RAP1GDS1: variants seen among roughly 807,000 people sequenced by gnomAD.
RAP1GDS1 encodes RAP1, GTP-GDP dissociation stimulator 1.
A neutral mutation model predicts 71.1 loss-of-function variants in RAP1GDS1; 35 were observed. That is an observed-to-expected ratio of 0.49 (90% CI 0.38 to 0.65). RAP1GDS1 has a LOEUF of 0.65. Among genes scored for constraint, RAP1GDS1 ranks in the 30% least tolerant of loss-of-function variants. The probability of loss-of-function intolerance (pLI) is 0.00; values close to 1 mark genes in which losing one functional copy is unlikely to be tolerated. For missense variants in RAP1GDS1, 663 were observed against 706.1 expected (o/e 0.94, Z 0.69); for synonymous variants, 229 against 243.1 (o/e 0.94, Z 0.54).
intron 1 of RAP1GDS1, among the ~76,000 whole-genome samples, chr4:98,285,032 G>A (rs949395616): frequency 1.3e-5 from 2 of 152,230 alleles, no homozygotes; most frequent in African/African-American, 4.8e-5. Context: ...TGTGCCCTTT[G>A]TGATTCCCGA....
intron 12 of RAP1GDS1, among the ~76,000 whole-genome samples, chr4:98,429,699 A>T (rs950186523): frequency 2.0e-5 from 3 of 152,170 alleles, no homozygotes; most frequent in Non-Finnish European, 4.4e-5. Flanking sequence ...GAAAGCTACG[A>T]ATTTGTGTTG....
At chr4:98,310,448 CA>C (rs1730040265) in intron 2 of RAP1GDS1, among the ~76,000 whole-genome samples, 1 of 151,924 alleles carries the variant, frequency 6.6e-6, no homozygotes, top group Non-Finnish European at 1.5e-5. Context: ...AATGTCAAAT[CA>C]AAAGGGAATA....
intron 4 of RAP1GDS1, among the ~76,000 whole-genome samples, chr4:98,371,558 C>G (rs1405837194): frequency 1.3e-5 from 2 of 151,960 alleles, no homozygotes; most frequent in African/African-American, 4.8e-5. Context: ...CTCACTGCAA[C>G]CTCTACCTCC....
At chr4:98,290,688 G>A (rs1726793367) in intron 1 of RAP1GDS1, among the ~76,000 whole-genome samples, 1 of 152,126 alleles carries the variant, frequency 6.6e-6, no homozygotes, top group East Asian at 1.9e-4. Context: ...CTTTAACAGA[G>A]ACTTTTGAGA....
intron 12 of RAP1GDS1, among the ~76,000 whole-genome samples, chr4:98,424,620 G>A (rs777979113): frequency 1.3e-5 from 2 of 152,072 alleles, no homozygotes; most frequent in Non-Finnish European, 2.9e-5. Context: ...AATTAGCCAG[G>A]CATGGTGGCG....
In RAP1GDS1 at chr4:98,392,038, A is replaced by G; in HGVS notation, c.595A>G (p.Thr199Ala). The change falls in exon 6 of 15, where the codon ACA (threonine) becomes GCA (alanine). Residue 199 changes from threonine to alanine, a missense_variant. Transcript: ENST00000408927. ...CATCCACTGCCAAAATGCAGCTCTT[A>G]CAGAAATGTGTCTTGTTGCATTTGG... ...LGIHCQNAAL[T>A]EMCLVAFGNL... The G allele has an allele frequency of 6.2e-7, 1 of 1,612,996 alleles. No individual in the cohort carries two copies.
At chr4:98,436,041 A>G (rs886949285) in intron 13 of RAP1GDS1, among the ~76,000 whole-genome samples, 1 of 151,278 alleles carries the variant, frequency 6.6e-6, no homozygotes, top group Non-Finnish European at 1.5e-5. Flanking sequence ...ACTGCACTCC[A>G]GCCTGGGCGA....
chr4:98,398,568 T>C (rs573962851), intron 6 of RAP1GDS1, among the ~76,000 whole-genome samples: 21 of 152,238 alleles, frequency 1.4e-4, no homozygotes, highest in African/African-American at 5.1e-4. Context: ...CAATGTTGCC[T>C]TCAAAATTTT....
intron 7 of RAP1GDS1, among the ~76,000 whole-genome samples, chr4:98,412,594 C>T (rs572099090): frequency 1.3e-5 from 2 of 152,286 alleles, no homozygotes; most frequent in African/African-American, 4.8e-5. Flanking sequence ...CAACTACACT[C>T]AAAGCATTTA....
At chr4:98,264,616 A>G (rs961653935) in intron 1 of RAP1GDS1, among the ~76,000 whole-genome samples, 1 of 152,222 alleles carries the variant, frequency 6.6e-6, no homozygotes, top group Non-Finnish European at 1.5e-5. Flanking sequence ...TTTCACATTT[A>G]TAATCTTAGC....
At position 98,404,122 on chromosome 4, in the gene RAP1GDS1, A is replaced by G. The variant is rs558385137; in HGVS notation, c.638-355A>G. On this transcript the variant is annotated intron_variant, in intron 6 of 14. Coordinates refer to ENST00000408927, the MANE Select transcript of RAP1GDS1 (RefSeq NM_001100427.2). ...TCAGGACCAGTGTAGAAAACATTCC[A>G]CTTTAATGATACTAAAGATAAGTCA... Among the ~76,000 whole-genome samples, 176 of 152,308 alleles carry G rather than the reference A, an allele frequency of 1.2e-3. 1 individual carries two copies. In the South Asian group the frequency reaches 0.018, roughly 16 times the overall value.
chr4:98,307,559 T>A (rs959699531), intron 2 of RAP1GDS1, among the ~76,000 whole-genome samples: 1 of 152,142 alleles, frequency 6.6e-6, no homozygotes, highest in African/African-American at 2.4e-5. Flanking sequence ...CTCAGTAAGA[T>A]TAGGTAGTTT....
rs531957642 is a variant in RAP1GDS1, at chr4:98,377,447, C to G, written c.362-1570C>G. Among the ~76,000 whole-genome samples the G allele has an allele frequency of 2.6e-5, 4 of 151,932 alleles. No homozygotes were observed. In the South Asian group the frequency reaches 8.3e-4, roughly 31 times the overall value. ...CTTGGCTGGTTCATCTAGCTAGTTA[C>G]TCTGGCAGTATAAGAATTTTCTGTG... On this transcript the variant is annotated intron_variant, in intron 4 of 14. Transcript: ENST00000408927.
chr4:98,373,313 T>C (rs1008546649), intron 4 of RAP1GDS1, among the ~76,000 whole-genome samples: 3 of 152,136 alleles, frequency 2.0e-5, no homozygotes, highest in African/African-American at 4.8e-5. Context: ...GTCTGCTTTA[T>C]TTCTTATTTT....
chr4:98,426,424 A>G (rs984923941), intron 12 of RAP1GDS1, among the ~76,000 whole-genome samples: 2 of 152,186 alleles, frequency 1.3e-5, no homozygotes, highest in African/African-American at 4.8e-5. Flanking sequence ...CAAAAGATAA[A>G]TGAAACAAAA....
At chr4:98,319,596 C>T (rs1296664949) in intron 2 of RAP1GDS1, among the ~76,000 whole-genome samples, 1 of 151,806 alleles carries the variant, frequency 6.6e-6, no homozygotes, top group Admixed American at 6.6e-5. Context: ...GACTGGCCAA[C>T]GTGGTGAAAC....
At chr4:98,428,064 G>A (rs1193365995) in intron 12 of RAP1GDS1, among the ~76,000 whole-genome samples, 2 of 152,026 alleles carry the variant, frequency 1.3e-5, no homozygotes, top group Non-Finnish European at 2.9e-5. Flanking sequence ...AATACTTACA[G>A]CCAACTGATC....
Position 98,281,450 on chromosome 4 carries a change from A to C in RAP1GDS1, c.5-11958A>C, listed in dbSNP as rs563442561. Among the ~76,000 whole-genome samples, 5 of 152,266 alleles carry C rather than the reference A, an allele frequency of 3.3e-5. No homozygotes were observed. In the South Asian group the frequency reaches 8.3e-4, roughly 25 times the overall value. On this transcript the variant is annotated intron_variant, in intron 1 of 14. Transcript: ENST00000408927. ...ATAGGAATGCTTGTGATTTTTGCAC[A>C]TTGATTTTGTATCCTGAGACTTTGC...
chr4:98,288,972 C>A (rs2110270686), intron 1 of RAP1GDS1, among the ~76,000 whole-genome samples: 1 of 152,174 alleles, frequency 6.6e-6, no homozygotes, highest in East Asian at 1.9e-4. Context: ...ATACAGTAGT[C>A]CCCCTTTATC....
Sources: gnomAD v4.1 joint callset for allele counts (sites outside exome capture counted in the v4.1 genomes callset) on GRCh38, gnomAD v4.1.1 for gene constraint, MANE v1.5 for transcripts, NCBI Gene and HGNC (gene_info 2026-07-23, HGNC 2026-07-21) for gene names.